The following MYBL2 variants were observed in gnomAD, a reference collection of about 807,000 sequenced individuals.
The protein encoded by MYBL2 is MYB proto-oncogene like 2.
MYBL2 carries 28 observed loss-of-function variants against 79.9 expected under a neutral mutation model. That is an observed-to-expected ratio of 0.35 (90% CI 0.26 to 0.48). The LOEUF (loss-of-function observed/expected upper bound fraction) is 0.48. MYBL2 is among the 20% of genes least tolerant of loss of function. MYBL2 has a pLI of 0.99. For missense variants in MYBL2, 735 were observed against 893.9 expected (o/e 0.82, Z 2.27); for synonymous variants, 378 against 361.2 (o/e 1.05, Z -0.53).
chr20:43,714,609 T>G (rs772512015), intron 12 of MYBL2, among the ~76,000 whole-genome samples: 6 of 152,164 alleles, frequency 3.9e-5, no homozygotes, highest in Non-Finnish European at 5.9e-5. Context: ...AGAAAGTTCT[T>G]TAGAACAAGA....
At chr20:43,697,506 G>A (rs1336601170) in intron 6 of MYBL2, among the ~76,000 whole-genome samples, 3 of 152,160 alleles carry the variant, frequency 2.0e-5, no homozygotes, top group South Asian at 2.1e-4. Flanking sequence ...AGCTGCTCAG[G>A]AGGCTGAGGC....
At chr20:43,711,429 C>G in intron 10 of MYBL2, 59 bp from the exon 11 acceptor site, 1 of 1,386,074 alleles carries the variant, frequency 7.2e-7, no homozygotes, top group Non-Finnish European at 1.0e-6. Context: ...TCCCACAGTC[C>G]CACACACACA....
intron 8 of MYBL2, among the ~76,000 whole-genome samples, chr20:43,704,647 A>G (rs1987740784): frequency 6.6e-6 from 1 of 152,192 alleles, no homozygotes; most frequent in South Asian, 2.1e-4. Flanking sequence ...GCTTAGATCT[A>G]GATTTCATTC....
chr20:43,686,800 G>C (rs1987284996), intron 4 of MYBL2, 52 bp from the exon 5 acceptor site: 1 of 1,560,768 alleles, frequency 6.4e-7, no homozygotes. Context: ...GGGCTATGGT[G>C]GGGGCGAGAG....
At chr20:43,694,144 AAC>A (rs1051876046) in intron 6 of MYBL2, among the ~76,000 whole-genome samples, 8 of 152,022 alleles carry the variant, frequency 5.3e-5, no homozygotes, top group African/African-American at 1.7e-4. Context: ...CATCCTGGCT[AAC>A]ACGGTGAAAC....
At chr20:43,699,734 T>G in intron 6 of MYBL2, 23 bp from the exon 7 acceptor site, 1 of 1,611,868 alleles carries the variant, frequency 6.2e-7, no homozygotes, top group Non-Finnish European at 8.5e-7. Flanking sequence ...GAAATGCAAA[T>G]GGTGTATTCT....
chr20:43,683,550 C>CCTTT lies in MYBL2; in HGVS notation c.279+664_279+665insCTTT, dbSNP rs764273305. 1.9e-4 allele frequency among the ~76,000 whole-genome samples: 24 copies of CCTTT among 126,422 alleles called. 7 individuals are homozygous for CCTTT. Among genetic ancestry groups the CCTTT allele is most frequent in the Non-Finnish European group, 2.2e-4 (13 of 59,764 alleles). 82.9% of individuals were successfully genotyped at this position (126,422 alleles called of 152,430 possible). ...AAAGAGGGAGATGAAGGGAACTAGG[C>CCTTT]ATTTTTTTTTTTTTTTTTTTTGAGA... On this transcript the variant is annotated intron_variant, in intron 4 of 13. Transcript: ENST00000217026.
intron 11 of MYBL2, among the ~76,000 whole-genome samples, chr20:43,712,060 C>T (rs952528372): frequency 2.6e-5 from 4 of 151,840 alleles, no homozygotes; most frequent in African/African-American, 9.7e-5. Flanking sequence ...CCAGGCAGTG[C>T]CTGGCTGAGT....
rs570389051 is a variant in MYBL2 at position 43,700,878 on chromosome 20, A to C, written c.951+834A>C. ...TTGACTGCCATGCTATGCTCCTGCT[A>C]CTATCGCTTGGCAGGCACAGCTCGC... On this transcript the variant is annotated intron_variant, in intron 7 of 13. Coordinates refer to ENST00000217026, the MANE Select transcript of MYBL2 (RefSeq NM_002466.4). Among the ~76,000 whole-genome samples, 5 of 152,284 alleles carry C rather than the reference A, an allele frequency of 3.3e-5. No homozygotes were observed. The South Asian group carries it at 1.0e-3, about 32-fold the overall frequency.
At chr20:43,707,533 G>A (rs1172996126) in intron 9 of MYBL2, among the ~76,000 whole-genome samples, 1 of 152,094 alleles carries the variant, frequency 6.6e-6, no homozygotes, top group East Asian at 1.9e-4. Flanking sequence ...CTGGTGATGA[G>A]TTCTAATTTT....
intron 9 of MYBL2, 56 bp downstream of exon 9, chr20:43,705,414 C>A: frequency 6.5e-7 from 1 of 1,532,124 alleles, no homozygotes; most frequent in Admixed American, 2.0e-5. Context: ...AACACCAGAC[C>A]ATGGGCCTTG....
At chr20:43,686,717 C>A in intron 4 of MYBL2, 135 bp from the exon 5 acceptor site, 2 of 812,542 alleles carry the variant, frequency 2.5e-6, no homozygotes, top group African/African-American at 1.7e-5. Flanking sequence ...CCCTGCAGCT[C>A]GCTCAGTGTT....
At chr20:43,668,377 T>G (rs1600538117) in intron 1 of MYBL2, among the ~76,000 whole-genome samples, 1 of 151,858 alleles carries the variant, frequency 6.6e-6, no homozygotes, top group Non-Finnish European at 1.5e-5. Flanking sequence ...ATTTTTTGTA[T>G]GTTTAGTAGA....
chr20:43,677,270 A>G (rs891522765), intron 2 of MYBL2, among the ~76,000 whole-genome samples: 3 of 152,170 alleles, frequency 2.0e-5, no homozygotes, highest in African/African-American at 4.8e-5. Context: ...GGTCCCTGGA[A>G]TGTGCTGTGG....
intron 1 of MYBL2, among the ~76,000 whole-genome samples, chr20:43,670,063 C>T (rs1433273746): frequency 2.0e-5 from 3 of 152,212 alleles, no homozygotes; most frequent in African/African-American, 7.2e-5. Flanking sequence ...CGAGATCATG[C>T]CACTGCACTT....
chr20:43,684,419 TAGAG>T (rs1465993434), intron 4 of MYBL2, among the ~76,000 whole-genome samples: 8 of 151,724 alleles, frequency 5.3e-5, no homozygotes, highest in Non-Finnish European at 8.8e-5. Flanking sequence ...GTATTTTTAG[TAGAG>T]ACAGGGTTTC....
chr20:43,713,932 G>A (rs1987969688), intron 12 of MYBL2, among the ~76,000 whole-genome samples: 1 of 152,196 alleles, frequency 6.6e-6, no homozygotes, highest in South Asian at 2.1e-4. Context: ...TGAGAGGCAT[G>A]GCGGCGTCAT....
chr20:43,669,591 A>C lies in MYBL2; in HGVS notation c.20+2288A>C, dbSNP rs556285536. On this transcript the variant is annotated intron_variant, in intron 1 of 13. Coordinates refer to ENST00000217026, the MANE Select transcript of MYBL2 (RefSeq NM_002466.4). ...GTTGGACCACAATGTGGTTGCCACC[A>C]CTAACTGGACTCTGCTTTTTCAGCT... Among the ~76,000 whole-genome samples, 9 of 152,284 alleles carry C rather than the reference A, an allele frequency of 5.9e-5. 1 individual carries two copies. In the South Asian group the frequency reaches 1.9e-3, roughly 32 times the overall value.
At chr20:43,712,552 G>A (rs555366468) in intron 11 of MYBL2, among the ~76,000 whole-genome samples, 5 of 152,188 alleles carry the variant, frequency 3.3e-5, no homozygotes, top group African/African-American at 9.7e-5. Context: ...GAGGTGCACG[G>A]TTAGGAATGG....
Sources: gnomAD v4.1 joint callset for allele counts (sites outside exome capture counted in the v4.1 genomes callset) on GRCh38, gnomAD v4.1.1 for gene constraint, MANE v1.5 for transcripts, NCBI Gene and HGNC (gene_info 2026-07-23, HGNC 2026-07-21) for gene names.